Variants in RBFOX1 observed in about 807,000 individuals in gnomAD.
RBFOX1 encodes the protein RNA binding protein fox-1 homolog 1.
RBFOX1 carries 8 observed loss-of-function variants against 57.7 expected under a neutral mutation model. That is an observed-to-expected ratio of 0.14 (90% CI 0.08 to 0.25). The LOEUF (loss-of-function observed/expected upper bound fraction) is 0.25. Ranked by LOEUF, RBFOX1 falls within the 10% of genes least tolerant of loss-of-function variation. RBFOX1 has a pLI of 1.00. For synonymous variants in RBFOX1, 326 were observed against 222.4 expected (o/e 1.47, Z -4.15); for missense variants, 611 against 548.5 (o/e 1.11, Z -1.14).
In RBFOX1 at chr16:6,050,659, T is replaced by C. The variant is rs2095542911; in HGVS notation, c.-127+30667T>C. On this transcript the variant is annotated intron_variant, in intron 1 of 15. Coordinates refer to ENST00000550418, the MANE Select transcript of RBFOX1 (RefSeq NM_018723.4). ...CAGGGGTTGCAATTTAGTGACACTG[T>C]AATTTTACCCTTCCTTCTTCATGGA... 2.0e-5 allele frequency among the ~76,000 whole-genome samples: 3 copies of C among 152,262 alleles called. 1 individual carries two copies. The South Asian group carries it at 6.2e-4, about 32-fold the overall frequency.
At chr16:5,753,815 C>G (rs1038974603) in intron 3 of RBFOX1, among the ~76,000 whole-genome samples, 3 of 150,826 alleles carry the variant, frequency 2.0e-5, no homozygotes, top group African/African-American at 7.3e-5. Flanking sequence ...CTCAGATCTA[C>G]AAATAAGTAG....
At chr16:5,541,866 G>A (rs560748155) in intron 2 of RBFOX1, among the ~76,000 whole-genome samples, 4 of 152,252 alleles carry the variant, frequency 2.6e-5, no homozygotes, top group Admixed American at 6.5e-5. Flanking sequence ...AAGCATTGCC[G>A]TTCAGATCAG....
chr16:5,649,912 T>G (rs1232039208), intron 3 of RBFOX1, among the ~76,000 whole-genome samples: 1 of 152,116 alleles, frequency 6.6e-6, no homozygotes, highest in East Asian at 1.9e-4. Flanking sequence ...AAGCACTTCA[T>G]CAGAGGAGGT....
intron 3 of RBFOX1, among the ~76,000 whole-genome samples, chr16:6,760,293 G>A (rs944109861): frequency 1.6e-4 from 25 of 152,210 alleles, no homozygotes; most frequent in African/African-American, 4.8e-4. Flanking sequence ...ATTGAGGAGA[G>A]CATTGGCACC....
chr16:7,090,715 G>T (rs2060690320), intron 4 of RBFOX1, among the ~76,000 whole-genome samples: 1 of 152,200 alleles, frequency 6.6e-6, no homozygotes, highest in Non-Finnish European at 1.5e-5. Flanking sequence ...ACCATTGGCT[G>T]ACTTCCGGGC....
chr16:5,953,174 T>C (rs1286215317), intron 4 of RBFOX1, among the ~76,000 whole-genome samples: 3 of 152,166 alleles, frequency 2.0e-5, no homozygotes, highest in Non-Finnish European at 4.4e-5. Flanking sequence ...AATATTCAGT[T>C]AAGACCAAGT....
chr16:6,007,840 G>A (rs971479647), intron 4 of RBFOX1, among the ~76,000 whole-genome samples: 2 of 152,226 alleles, frequency 1.3e-5, no homozygotes, highest in African/African-American at 4.8e-5. Context: ...TCTAGCAGCC[G>A]TGGGGACATT....
At chr16:5,526,897 G>C (rs143765253) in intron 2 of RBFOX1, among the ~76,000 whole-genome samples, 1 of 152,120 alleles carries the variant, frequency 6.6e-6, no homozygotes, top group Non-Finnish European at 1.5e-5. Flanking sequence ...GTGTGACCTT[G>C]GGCACATTTG....
rs761732760 is a variant in RBFOX1, at chr16:6,498,256, C to CA, written c.-63-156333dup. Among the ~76,000 whole-genome samples, 101 of 91,162 alleles carry CA rather than the reference C, an allele frequency of 1.1e-3. 1 individual carries two copies. The highest frequency in any genetic ancestry group is 3.1e-3 in the African/African-American group (77 of 24,606). 59.8% of individuals were successfully genotyped at this position (91,162 alleles called of 152,430 possible). ...GACAGAGAGGAACTCCGTCTCAAAA[C>CA]AAAAAAAAAAAAAAGGATGACAATT... is the stretch of plus-strand genomic sequence containing the variant. On this transcript the variant is annotated intron_variant, in intron 2 of 15. Transcript: ENST00000550418.
At chr16:5,879,636 C>G (rs534010100) in intron 4 of RBFOX1, among the ~76,000 whole-genome samples, 1 of 152,216 alleles carries the variant, frequency 6.6e-6, no homozygotes, top group East Asian at 1.9e-4. Context: ...GATCTATTTT[C>G]TTATTTAGTT....
chr16:5,788,559 G>A (rs527749582), intron 3 of RBFOX1, among the ~76,000 whole-genome samples: 2 of 152,274 alleles, frequency 1.3e-5, no homozygotes, highest in African/African-American at 4.8e-5. Context: ...AACCCGGGAG[G>A]CAGAGTTTGC....
intron 4 of RBFOX1, among the ~76,000 whole-genome samples, chr16:7,506,351 C>G (rs572949219): frequency 1.3e-5 from 2 of 152,116 alleles, no homozygotes; most frequent in South Asian, 2.1e-4. Context: ...CTGGCACTAA[C>G]AAGTTGTGTG....
chr16:5,874,326 G>A (rs1004853856), intron 4 of RBFOX1, among the ~76,000 whole-genome samples: 8 of 152,174 alleles, frequency 5.3e-5, no homozygotes, highest in Non-Finnish European at 1.2e-4. Context: ...TTGGAAGATG[G>A]CAGAGGCTTG....
chr16:5,591,841 A>G (rs932619623), intron 2 of RBFOX1, among the ~76,000 whole-genome samples: 1 of 152,212 alleles, frequency 6.6e-6, no homozygotes, highest in African/African-American at 2.4e-5. Context: ...TCCTTGGCAC[A>G]AGTCATGTTA....
chr16:5,329,670 C>A (rs974705785), intron 1 of RBFOX1, among the ~76,000 whole-genome samples: 1 of 152,174 alleles, frequency 6.6e-6, no homozygotes, highest in Non-Finnish European at 1.5e-5. Flanking sequence ...AATAGAAATT[C>A]ATTTCTCAGT....
intron 2 of RBFOX1, among the ~76,000 whole-genome samples, chr16:5,557,122 T>C (rs2045707791): frequency 6.6e-6 from 1 of 151,890 alleles, no homozygotes; most frequent in Non-Finnish European, 1.5e-5. Context: ...TAGCTGGGCG[T>C]GGTGGCAGGC....
intron 4 of RBFOX1, among the ~76,000 whole-genome samples, chr16:7,220,025 C>G (rs1193804134): frequency 6.6e-6 from 1 of 152,122 alleles, no homozygotes; most frequent in Non-Finnish European, 1.5e-5. Flanking sequence ...ATTAAGCCTT[C>G]ATTTTAAAAT....
At chr16:5,454,854 T>C (rs202213101) in intron 1 of RBFOX1, among the ~76,000 whole-genome samples, 1,496 of 67,450 alleles carry the variant, frequency 0.022, 22 homozygotes, top group African/African-American at 0.032. Context: ...TCTTTCTTTC[T>C]TTTCTTTCTT....
intron 3 of RBFOX1, among the ~76,000 whole-genome samples, chr16:6,873,546 A>G (rs1567661296): frequency 6.6e-6 from 1 of 152,054 alleles, no homozygotes; most frequent in African/African-American, 2.4e-5. Context: ...TTTTCAGCTT[A>G]AAAAAAAGAA....
Sources: gnomAD v4.1 joint callset for allele counts (sites outside exome capture counted in the v4.1 genomes callset) on GRCh38, gnomAD v4.1.1 for gene constraint, MANE v1.5 for transcripts, NCBI Gene and HGNC (gene_info 2026-07-23, HGNC 2026-07-21) for gene names.